RUNX1: variants seen among roughly 807,000 people sequenced by gnomAD.
RUNX1 encodes RUNX family transcription factor 1.
Under a neutral mutation model 42.8 loss-of-function variants are expected in RUNX1, and 19 were observed. The ratio of observed to expected loss-of-function variants is 0.44; its 90% CI spans 0.31 to 0.65. RUNX1 has a LOEUF of 0.65. Ranked by LOEUF, RUNX1 falls within the 30% of genes least tolerant of loss-of-function variation. The pLI, the probability that RUNX1 is intolerant of heterozygous loss-of-function variation, is 0.07. For missense variants in RUNX1, 528 were observed against 672.0 expected, an observed-to-expected ratio of 0.79 and a Z score of 2.37; for synonymous variants, 271 against 289.4, an observed-to-expected ratio of 0.94 and a Z score of 0.64.
At chr21:34,898,628 G>T (rs1219541722) in intron 2 of RUNX1, among the ~76,000 whole-genome samples, 1 of 152,130 alleles carries the variant, frequency 6.6e-6, no homozygotes, top group African/African-American at 2.4e-5. Context: ...CCAGATAATT[G>T]TCTTCATCTC....
chr21:34,825,369 C>T (rs1358704904), intron 7 of RUNX1, among the ~76,000 whole-genome samples: 2 of 152,194 alleles, frequency 1.3e-5, no homozygotes, highest in African/African-American at 4.8e-5. Flanking sequence ...CTTTCTCTAT[C>T]ACTGTCAGGA....
At chr21:34,798,049 C>T (rs978914873) in intron 8 of RUNX1, 2 of 456,512 alleles carry the variant, frequency 4.4e-6, no homozygotes, top group South Asian at 1.5e-5. Context: ...AAGCTCTGAA[C>T]AGCAGCTAAG....
intron 2 of RUNX1, among the ~76,000 whole-genome samples, chr21:35,040,760 T>C (rs1350568780): frequency 8.9e-6 from 1 of 112,850 alleles, no homozygotes; most frequent in Non-Finnish European, 1.7e-5. Flanking sequence ...ACAGAGCTAG[T>C]AGACTCCATC....
rs1390055932 is a variant in RUNX1 at position 34,921,920 on chromosome 21, C to T, written c.59-28957G>A. Among the ~76,000 whole-genome samples the T allele has an allele frequency of 4.6e-5, 7 of 152,204 alleles. No individual in the cohort carries two copies. The East Asian group carries it at 1.3e-3, about 29-fold the overall frequency. ...AAGTGCTGGGATTACAGGCGTGAGC[C>T]ACCATACCAGGCCTACATAATTGAT... is the stretch of plus-strand genomic sequence containing the variant. On this transcript the variant is annotated intron_variant, in intron 2 of 8. Transcript: ENST00000675419.
chr21:35,046,027 C>T (rs2059393729), intron 2 of RUNX1, among the ~76,000 whole-genome samples: 1 of 152,156 alleles, frequency 6.6e-6, no homozygotes, highest in South Asian at 2.1e-4. Context: ...CTTTTCCTCC[C>T]CACACCTACC....
At chr21:35,010,334 C>T (rs1460926081) in intron 2 of RUNX1, among the ~76,000 whole-genome samples, 2 of 152,052 alleles carry the variant, frequency 1.3e-5, no homozygotes, top group African/African-American at 2.4e-5. Context: ...CCATCAATTA[C>T]ACTCCTTTTT....
intron 2 of RUNX1, among the ~76,000 whole-genome samples, chr21:34,986,704 G>A (rs1013212121): frequency 2.6e-5 from 4 of 152,010 alleles, no homozygotes; most frequent in Admixed American, 2.6e-4. Context: ...GGGATGTCAA[G>A]GGTTGCTGGG....
intron 4 of RUNX1, 80 bp downstream of exon 4, chr21:34,886,763 G>A (rs1057087737): frequency 3.1e-6 from 5 of 1,601,984 alleles, no homozygotes; most frequent in African/African-American, 2.7e-5. Context: ...GGCCCCGCCC[G>A]CCTGGCCGCT....
intron 5 of RUNX1, among the ~76,000 whole-genome samples, chr21:34,861,024 A>C (rs888297876): frequency 6.6e-6 from 1 of 152,212 alleles, no homozygotes; most frequent in African/African-American, 2.4e-5. Flanking sequence ...CCTGTCCAAT[A>C]AACGAGGTGA....
intron 2 of RUNX1, among the ~76,000 whole-genome samples, chr21:34,951,606 G>A (rs2058608319): frequency 1.3e-5 from 2 of 152,188 alleles, no homozygotes; most frequent in South Asian, 4.1e-4. Flanking sequence ...AATTTATGCA[G>A]CCAACAGACA....
intron 5 of RUNX1, among the ~76,000 whole-genome samples, chr21:34,875,356 C>T (rs964154239): frequency 6.6e-6 from 1 of 152,132 alleles, no homozygotes; most frequent in African/African-American, 2.4e-5. Flanking sequence ...TTGACCTGCC[C>T]GTCGAAAAGC....
intron 6 of RUNX1, among the ~76,000 whole-genome samples, chr21:34,848,822 C>G (rs2057354127): frequency 6.6e-6 from 1 of 152,118 alleles, no homozygotes; most frequent in African/African-American, 2.4e-5. Context: ...TTTCTCCTAG[C>G]TCTTTCAAAT....
intron 2 of RUNX1, among the ~76,000 whole-genome samples, chr21:34,985,780 A>G (rs1008882): frequency 0.36 from 53,810 of 151,408 alleles, 9,556 homozygotes; most frequent in East Asian, 0.41. Flanking sequence ...ACTGCCACCA[A>G]CATTTCCTTC....
intron 3 of RUNX1, chr21:34,887,968 T>A: frequency 1.9e-6 from 2 of 1,065,956 alleles, no homozygotes; most frequent in Non-Finnish European, 2.3e-6. Context: ...GAAGGCCCAG[T>A]CGATGACACT....
chr21:35,022,951 C>CT (rs925552132), intron 2 of RUNX1, among the ~76,000 whole-genome samples: 102 of 140,530 alleles, frequency 7.3e-4, no homozygotes, highest in Middle Eastern at 3.7e-3. Flanking sequence ...TGATTTTGAC[C>CT]TTTTTTTTTT....
chr21:34,865,279 CGTGTGTGTGTGTGTGT>C (rs61238560), intron 5 of RUNX1, among the ~76,000 whole-genome samples: 58 of 132,472 alleles, frequency 4.4e-4, no homozygotes, highest in East Asian at 2.8e-3. Context: ...GGGTTTTGTG[CGTGTGTGTGTGTGTGT>C]GTGTGTGTGT....
At chr21:34,803,474 G>T (rs2056636388) in intron 7 of RUNX1, among the ~76,000 whole-genome samples, 2 of 152,134 alleles carry the variant, frequency 1.3e-5, no homozygotes, top group African/African-American at 2.4e-5. Context: ...ATGAACCCAG[G>T]AGGTGGAGCT....
At position 34,792,311 on chromosome 21, in the gene RUNX1, G is replaced by A. The variant is rs1741971195; in HGVS notation, c.1267C>T (p.Arg423Cys). 1.9e-6 allele frequency: 3 copies of A among 1,539,276 alleles called. No individual in the cohort carries two copies. The highest frequency in any genetic ancestry group is 1.4e-5 in the African/African-American group (1 of 72,666). The change falls in exon 9 of 9, where the codon CGC (arginine) becomes TGC (cysteine). Residue 423 changes from arginine (R) to cysteine (C), a missense_variant. Physicochemically the swap from Arg to Cys is radical, Grantham distance 180 (BLOSUM62 -3). Around this residue, in one of 3 missense-constraint regions of RUNX1, gnomAD observed 331 missense variants for 382.5 expected, o/e 0.87. Coordinates refer to ENST00000675419, the MANE Select transcript of RUNX1 (RefSeq NM_001754.5). The surrounding 1 kb of genome is among the most constrained non-coding windows in gnomAD (Gnocchi z 6.9). The stretch of plus-strand genomic sequence containing the variant: ...GGCGGCAGGATGCGCGGCGGCGAGC[G>A]CTCGCCGCCCACCATGGAGAACTGG... ...SYQFSMVGGE[R>C]SPPRILPPCT...
intron 2 of RUNX1, among the ~76,000 whole-genome samples, chr21:34,906,808 G>C (rs534723691): frequency 1.8e-4 from 27 of 152,200 alleles, no homozygotes; most frequent in Non-Finnish European, 3.5e-4. Context: ...ACAAGGAAAG[G>C]AACTGCTTTA....
Sources: allele counts gnomAD v4.1 joint callset (sites outside exome capture counted in the v4.1 genomes callset), GRCh38; gene constraint gnomAD v4.1.1; regional missense constraint gnomAD v4.1.1; non-coding constraint Gnocchi (gnomAD v3.1); transcripts MANE v1.5; gene names NCBI Gene and HGNC (gene_info 2026-07-23, HGNC 2026-07-21).